Variants in FAM83G observed in about 807,000 individuals in gnomAD.
FAM83G encodes protein FAM83G.
Under a neutral mutation model 61.5 loss-of-function variants are expected in FAM83G, and 38 were observed. The ratio of observed to expected loss-of-function variants is 0.62; its 90% confidence interval spans 0.48 to 0.81. The LOEUF (loss-of-function observed/expected upper bound fraction) is 0.81. Among genes scored for constraint, FAM83G ranks in the 30% least tolerant of loss-of-function variants. FAM83G has a pLI of 0.00. For synonymous variants in FAM83G, 470 were observed against 476.1 expected, an observed-to-expected ratio of 0.99 and a Z score of 0.17; for missense variants, 989 against 1,133.6, an observed-to-expected ratio of 0.87 and a Z score of 1.83.
intron 5 of FAM83G, among the ~76,000 whole-genome samples, chr17:18,975,001 C>CT (rs1195521610): frequency 4.6e-5 from 7 of 152,192 alleles, no homozygotes; most frequent in African/African-American, 1.7e-4. Flanking sequence ...CATGGAAACT[C>CT]TGAGCCTCAG....
rs761609450 is a variant in FAM83G at position 18,977,701 on chromosome 17, G to A, written c.1965C>T (p.Thr655=). 6.2e-7 allele frequency: 1 copy of A among 1,610,338 alleles called. No individual in the cohort carries two copies. Among genetic ancestry groups the A allele is most frequent in the Non-Finnish European group, 8.5e-7 (1 of 1,179,512 alleles). The change falls in exon 5 of 6, where the codon ACC becomes ACT. Residue 655 remains threonine (T), a synonymous_variant. Coordinates refer to ENST00000388995, the MANE Select transcript of FAM83G (RefSeq NM_001039999.3). ...CCTGGGGTCCAACAAAGGTCCCTCG[G>A]GTTATATGGGGGGCACTCAGCTGCC... ...PRRQLSAPHI[T]RGTFVGPQGG... is the part of the protein sequence containing the mutation.
intron 2 of FAM83G, among the ~76,000 whole-genome samples, chr17:18,992,040 C>T (rs940162423): frequency 6.6e-6 from 1 of 152,182 alleles, no homozygotes; most frequent in Non-Finnish European, 1.5e-5. Context: ...AGTGAGCCAA[C>T]AGCGAGCCTG....
At position 18,969,385 on chromosome 17, in the gene FAM83G, C is replaced by A. The variant is rs1362914181; in HGVS notation, c.*1974G>T. On this transcript the variant is annotated 3_prime_UTR_variant, in exon 6 of 6. Transcript: ENST00000388995. ...TCTACACGGACGCCCTGCAGACGCT[C>A]ATCATGGTGGTGGGGGCTGTCATCC... 1 of 1,613,816 alleles carries A rather than the reference C, an allele frequency of 6.2e-7. No homozygotes were observed. The highest frequency in any genetic ancestry group is 2.2e-5 in the East Asian group (1 of 44,882).
chr17:18,978,893 C>A, intron 4 of FAM83G, 43 bp from the exon 5 acceptor site: 1 of 1,597,320 alleles, frequency 6.3e-7, no homozygotes, highest in South Asian at 1.1e-5. Flanking sequence ...CATGACCCTG[C>A]TTCCTCCGCC....
rs945111821 is a variant in FAM83G at position 18,969,270 on chromosome 17, C to T, written c.*2089G>A. On this transcript the variant is annotated 3_prime_UTR_variant, in exon 6 of 6. Coordinates refer to ENST00000388995, the MANE Select transcript of FAM83G (RefSeq NM_001039999.3). ...CCAGGAAGTGGCCCCAGCAGGAGCC[C>T]CAGAAGTTCCTCCCCGTGTCCCTCC... The T allele has an allele frequency of 6.3e-7, 1 of 1,583,526 alleles. No individual in the cohort carries two copies. The highest frequency in any genetic ancestry group is 1.7e-4 in the Middle Eastern group (1 of 5,940).
In FAM83G at chr17:18,971,610, G is replaced by C. The variant is rs746792856; in HGVS notation, c.2221C>G (p.Pro741Ala). 5 of 1,613,520 alleles carry C rather than the reference G, an allele frequency of 3.1e-6. No individual in the cohort carries two copies. The highest frequency in any genetic ancestry group is 4.2e-6 in the Non-Finnish European group (5 of 1,179,972). The change falls in exon 6 of 6, where the codon CCC becomes GCC. Residue 741 changes from proline (P) to alanine (A), a missense_variant. By Grantham distance (27) the Pro-to-Ala change is conservative (BLOSUM62 -1). Transcript: ENST00000388995. This position sits in a 1 kb window ranked among gnomAD's most constrained non-coding sequence, Gnocchi z 5.5. The stretch of plus-strand genomic sequence containing the variant: ...CCTCCCTTGGCCTGCCAGTGGTGGG[G>C]GCCAGCCATGGCTGGGCCAGCGTTT... ...TRNAGPAMAG[P>A]HHWQAKGGQV...
rs1365730431 is a variant in FAM83G, at chr17:18,971,286, G to A, written c.*73C>T. On this transcript the variant is annotated 3_prime_UTR_variant, in exon 6 of 6. Coordinates refer to ENST00000388995, the MANE Select transcript of FAM83G (RefSeq NM_001039999.3). This position sits in a 1 kb window ranked among gnomAD's most constrained non-coding sequence, Gnocchi z 5.5. ...CCAGTGGGCTCTGGTAGGCCCAGGC[G>A]GCCTGTCTGCCCTCCGCGTCATGAG... 9 of 1,609,880 alleles carry A rather than the reference G, an allele frequency of 5.6e-6. No homozygotes were observed. In the East Asian group the frequency reaches 6.7e-5, roughly 12 times the overall value.
chr17:19,001,524 C>T (rs2043729165), intron 2 of FAM83G, among the ~76,000 whole-genome samples: 3 of 152,228 alleles, frequency 2.0e-5, no homozygotes, highest in Admixed American at 2.0e-4. Context: ...GCCATGTAGA[C>T]AGACTGGCAC....
chr17:18,978,888 C>T, intron 4 of FAM83G, 38 bp from the exon 5 acceptor site: 1 of 1,601,726 alleles, frequency 6.2e-7, no homozygotes, highest in Admixed American at 1.7e-5. Flanking sequence ...AGGCACATGA[C>T]CCTGCTTCCT....
intron 3 of FAM83G, among the ~76,000 whole-genome samples, chr17:18,985,656 C>T (rs1349603023): frequency 2.0e-5 from 3 of 152,212 alleles, no homozygotes; most frequent in African/African-American, 7.2e-5. Context: ...GGCCACCCGC[C>T]CAGGGCTGTA....
Position 18,978,050 on chromosome 17 carries a change from G to A in FAM83G, c.1616C>T (p.Thr539Ile), listed in dbSNP as rs531986245. 4.6e-6 allele frequency: 7 copies of A among 1,523,674 alleles called. No individual in the cohort carries two copies. In the African/African-American group the frequency reaches 5.6e-5, roughly 12 times the overall value. 94.4% of individuals were successfully genotyped at this position (1,523,674 alleles called of 1,614,324 possible). ...LPKEEAPQNG[T>I]DHRLPRMAGP... ...TGCCATCCTGGGTAGCCTATGGTCT[G>A]TCCCATTCTGGGGAGCTTCCTCTTT... Residue 539 changes from threonine (T) to isoleucine (I), a missense_variant, in exon 5 of 6, where the codon ACA becomes ATA. Transcript: ENST00000388995.
chr17:19,004,156 T>C lies in FAM83G; in HGVS notation c.-115A>G, dbSNP rs1188047307. On this transcript the variant is annotated 5_prime_UTR_variant, in exon 2 of 6. Coordinates refer to ENST00000388995, the MANE Select transcript of FAM83G (RefSeq NM_001039999.3). This position sits in a 1 kb window ranked among gnomAD's most constrained non-coding sequence, Gnocchi z 5.4. ...GGCCTCTCCGCGGCCTCTGCTTCTC[T>C]GCCCATGAGCAATCTGCGGGAAAGA... 4 of 873,548 alleles carry C rather than the reference T, an allele frequency of 4.6e-6. No individual in the cohort carries two copies. The highest frequency in any genetic ancestry group is 6.4e-6 in the Non-Finnish European group (4 of 623,376). The allele number at this position is 873,548 out of a possible 1,614,324, so 54.1% of individuals were successfully genotyped here.
chr17:19,003,424 T>C lies in FAM83G; in HGVS notation c.522+96A>G, dbSNP rs1052691218. On this transcript the variant is annotated intron_variant, in intron 2 of 5. Coordinates refer to ENST00000388995, the MANE Select transcript of FAM83G (RefSeq NM_001039999.3). The surrounding 1 kb of genome is among the most constrained non-coding windows in gnomAD (Gnocchi z 4.5). The stretch of plus-strand genomic sequence containing the variant: ...AACAGCAGAGATCCCTAGAAGCCCA[T>C]GTTGGGCTCCCGTTTTGGGCTCTGA... 3 of 1,316,708 alleles carry C rather than the reference T, an allele frequency of 2.3e-6. No individual in the cohort carries two copies. In the African/African-American group the frequency reaches 4.6e-5, roughly 20 times the overall value. The allele number at this position is 1,316,708 out of a possible 1,614,324, so 81.6% of individuals were successfully genotyped here.
At position 18,971,631 on chromosome 17, in the gene FAM83G, C is replaced by G; in HGVS notation, c.2200G>C (p.Ala734Pro). The G allele has an allele frequency of 6.2e-7, 1 of 1,613,420 alleles. No individual in the cohort carries two copies. The highest frequency in any genetic ancestry group is 1.1e-5 in the South Asian group (1 of 91,080). Residue 734 changes from alanine to proline, a missense_variant, in exon 6 of 6, where the codon GCT becomes CCT. By Grantham distance (27) the Ala-to-Pro change is conservative. Around this residue, in one of 3 missense-constraint regions of FAM83G, gnomAD observed 574 missense variants for 645.1 expected, o/e 0.89. Coordinates refer to ENST00000388995, the MANE Select transcript of FAM83G (RefSeq NM_001039999.3). This position sits in a 1 kb window ranked among gnomAD's most constrained non-coding sequence, Gnocchi z 5.5. ...TGGGGGCCAGCCATGGCTGGGCCAG[C>G]GTTTCTGGTAGAGCTCTGGACGCTG... ...ADSVQSSTRN[A>P]GPAMAGPHHW...
chr17:19,004,164 A>G lies in FAM83G; in HGVS notation c.-123T>C. The G allele has an allele frequency of 1.1e-6, 1 of 904,608 alleles. No individual in the cohort carries two copies. The highest frequency in any genetic ancestry group is 1.6e-6 in the Non-Finnish European group (1 of 636,216). The allele number at this position is 904,608 out of a possible 1,614,324, so 56.0% of individuals were successfully genotyped here. On this transcript the variant is annotated 5_prime_UTR_variant, in exon 2 of 6. Coordinates refer to ENST00000388995, the MANE Select transcript of FAM83G (RefSeq NM_001039999.3). This position sits in a 1 kb window ranked among gnomAD's most constrained non-coding sequence, Gnocchi z 5.4. ...CGCGGCCTCTGCTTCTCTGCCCATG[A>G]GCAATCTGCGGGAAAGACCTGATGA... is the stretch of plus-strand genomic sequence containing the variant.
chr17:18,972,574 C>T (rs2042880988), intron 5 of FAM83G, among the ~76,000 whole-genome samples: 2 of 152,134 alleles, frequency 1.3e-5, no homozygotes, highest in Non-Finnish European at 2.9e-5. Context: ...ACAGTAAGAA[C>T]GGACCTGGCC....
chr17:19,005,101 C>G (rs2043846768), upstream of FAM83G, among the ~76,000 whole-genome samples: 1 of 152,168 alleles, frequency 6.6e-6, no homozygotes, highest in African/African-American at 2.4e-5. Flanking sequence ...GCCGGCGTGG[C>G]GGGAAGTCCG....
chr17:18,984,068 C>A (rs533804716), intron 3 of FAM83G, among the ~76,000 whole-genome samples: 1 of 152,156 alleles, frequency 6.6e-6, no homozygotes, highest in Admixed American at 6.5e-5. Context: ...CTTGGCCGGG[C>A]GCGGTGGCTC....
At chr17:18,979,480 T>A (rs1327727496) in intron 4 of FAM83G, 69 bp downstream of exon 4, 3 of 1,580,762 alleles carry the variant, frequency 1.9e-6, no homozygotes, top group Non-Finnish European at 2.6e-6. Flanking sequence ...AGGGTTAGGA[T>A]TAAGGGCAGA....
Sources: allele counts gnomAD v4.1 joint callset (sites outside exome capture counted in the v4.1 genomes callset), GRCh38; gene constraint gnomAD v4.1.1; regional missense constraint gnomAD v4.1.1; non-coding constraint Gnocchi (gnomAD v3.1); transcripts MANE v1.5; gene names NCBI Gene and HGNC (gene_info 2026-07-23, HGNC 2026-07-21).